SCN10A: variants seen among roughly 807,000 people sequenced by gnomAD.
The protein encoded by SCN10A is sodium channel protein type 10 subunit alpha.
In SCN10A, 162 loss-of-function variants were observed where a neutral mutation model predicts 170.7. That is an observed-to-expected ratio of 0.95 (90% CI 0.84 to 1.08). SCN10A has a LOEUF of 1.08. Ranked by LOEUF, SCN10A falls within the 50% of genes least tolerant of loss-of-function variation. SCN10A has a pLI of 0.00. For missense variants in SCN10A, 2,527 were observed against 2,436.9 expected (o/e 1.04, Z -0.78); for synonymous variants, 985 against 904.6 (o/e 1.09, Z -1.59).
intron 1 of SCN10A, among the ~76,000 whole-genome samples, chr3:38,803,966 T>C (rs1229870233): frequency 1.3e-5 from 2 of 152,082 alleles, no homozygotes; most frequent in African/African-American, 4.8e-5. Context: ...GCTGCCACAG[T>C]CCAATCCACC....
At chr3:38,810,318 A>G (rs1301256209) in intron 1 of SCN10A, among the ~76,000 whole-genome samples, 1 of 152,220 alleles carries the variant, frequency 6.6e-6, no homozygotes, top group Non-Finnish European at 1.5e-5. Context: ...GCCAACCAGT[A>G]TAACGCAGCC....
At chr3:38,768,137 G>A (rs990489229) in intron 5 of SCN10A, among the ~76,000 whole-genome samples, 1 of 151,524 alleles carries the variant, frequency 6.6e-6, no homozygotes, top group African/African-American at 2.4e-5. Context: ...CTCCTTATGT[G>A]TTAGGTGAGT....
intron 1 of SCN10A, among the ~76,000 whole-genome samples, chr3:38,804,732 T>A (rs1342028220): frequency 1.3e-5 from 2 of 152,034 alleles, no homozygotes; most frequent in Non-Finnish European, 2.9e-5. Flanking sequence ...AAGACAAGTG[T>A]CTTATGTTCA....
At chr3:38,772,602 T>C (rs1055130942) in intron 4 of SCN10A, among the ~76,000 whole-genome samples, 1 of 151,996 alleles carries the variant, frequency 6.6e-6, no homozygotes, top group Non-Finnish European at 1.5e-5. Context: ...GGCGGGAGAA[T>C]GGCGTGAACC....
intron 1 of SCN10A, among the ~76,000 whole-genome samples, chr3:38,813,397 C>G (rs1055072616): frequency 2.6e-5 from 4 of 152,164 alleles, no homozygotes; most frequent in Non-Finnish European, 5.9e-5. Flanking sequence ...AACTGAAACT[C>G]CGCGTCTCAG....
intron 14 of SCN10A, 105 bp from the exon 15 acceptor site, chr3:38,739,793 T>G: frequency 1.0e-6 from 1 of 987,286 alleles, no homozygotes; most frequent in African/African-American, 1.6e-5. Context: ...GAAAATCCTT[T>G]TGTTTTGTTC....
chr3:38,721,349 C>T (rs761916613), intron 20 of SCN10A, among the ~76,000 whole-genome samples: 4 of 151,964 alleles, frequency 2.6e-5, no homozygotes, highest in African/African-American at 9.7e-5. Flanking sequence ...TCTCTATTCC[C>T]AGCCCTTCAA....
At chr3:38,782,260 C>T (rs1348887058) in intron 4 of SCN10A, among the ~76,000 whole-genome samples, 2 of 152,034 alleles carry the variant, frequency 1.3e-5, no homozygotes, top group Non-Finnish European at 2.9e-5. Flanking sequence ...CCATTTCTTG[C>T]TATTTGTATC....
Position 38,735,878 on chromosome 3 carries a change from A to G in SCN10A, c.2280+3637T>C, listed in dbSNP as rs1246944608. Among the ~76,000 whole-genome samples the G allele has an allele frequency of 3.9e-5, 6 of 152,034 alleles. No individual in the cohort carries two copies. In the East Asian group the frequency reaches 5.8e-4, roughly 15 times the overall value. On this transcript the variant is annotated intron_variant, in intron 15 of 27. Transcript: ENST00000449082. Reference sequence around the variant, plus strand: ...ATCAACAGGTGTTTATTGAGTTCCTATGTATGTGCTGGGCCTTGTGCTAGG... The same window carrying G: ...ATCAACAGGTGTTTATTGAGTTCCTGTGTATGTGCTGGGCCTTGTGCTAGG...
At chr3:38,763,950 C>G (rs762795708) in intron 5 of SCN10A, among the ~76,000 whole-genome samples, 6 of 152,160 alleles carry the variant, frequency 3.9e-5, no homozygotes, top group African/African-American at 1.4e-4. Flanking sequence ...CTGTGACAGG[C>G]TAACTGTTAT....
intron 15 of SCN10A, among the ~76,000 whole-genome samples, chr3:38,731,789 T>C (rs137991764): frequency 6.6e-6 from 1 of 152,324 alleles, no homozygotes; most frequent in African/African-American, 2.4e-5. Context: ...TGCAGGCCCA[T>C]GGACTCTCCA....
intron 17 of SCN10A, 140 bp downstream of exon 17, chr3:38,726,466 G>T: frequency 1.6e-6 from 1 of 637,796 alleles, no homozygotes; most frequent in Non-Finnish European, 2.5e-6. Flanking sequence ...CTGCTCAAAC[G>T]CCAACTCCTC....
In SCN10A at chr3:38,724,583, A is replaced by G. The variant is rs939604765; in HGVS notation, c.3228+591T>C. Among the ~76,000 whole-genome samples the G allele has an allele frequency of 2.6e-5, 4 of 152,300 alleles. No homozygotes were observed. The South Asian group carries it at 6.2e-4, about 24-fold the overall frequency. ...CTATAGAGAGCCTCTCCCTAGCCCC[A>G]GGCTACTTTTGCCTAGAGAAAATGA... is the stretch of plus-strand genomic sequence containing the variant. On this transcript the variant is annotated intron_variant, in intron 18 of 27. Coordinates refer to ENST00000449082, the MANE Select transcript of SCN10A (RefSeq NM_006514.4).
intron 26 of SCN10A, among the ~76,000 whole-genome samples, chr3:38,704,323 T>G (rs1034253101): frequency 6.6e-6 from 1 of 152,166 alleles, no homozygotes; most frequent in Non-Finnish European, 1.5e-5. Context: ...GAGCCACTAA[T>G]CCCTTCCATT....
At chr3:38,759,418 T>TC (rs757641675) in intron 8 of SCN10A, among the ~76,000 whole-genome samples, 1 of 152,032 alleles carries the variant, frequency 6.6e-6, no homozygotes, top group Non-Finnish European at 1.5e-5. Flanking sequence ...CCTGGAGACA[T>TC]CCTACCTGCC....
At chr3:38,806,114 C>A (rs769396791) in intron 1 of SCN10A, among the ~76,000 whole-genome samples, 2 of 152,082 alleles carry the variant, frequency 1.3e-5, no homozygotes, top group Admixed American at 6.6e-5. Context: ...GAGTGTCAGG[C>A]TGAAATGCTG....
Position 38,799,385 on chromosome 3 carries a change from T to C in SCN10A, c.-32-5343A>G, listed in dbSNP as rs572689645. On this transcript the variant is annotated intron_variant, in intron 1 of 27. Transcript: ENST00000449082. ...TAACCTTGCATTTTCCCCAATGTGT[T>C]CTGCAGAATTTGTAAACAAGTGTCC... 2.6e-5 allele frequency among the ~76,000 whole-genome samples: 4 copies of C among 152,314 alleles called. No homozygotes were observed. In the East Asian group the frequency reaches 7.7e-4, roughly 29 times the overall value.
At chr3:38,699,173 A>T in intron 27 of SCN10A, among the ~76,000 whole-genome samples, 1 of 148,486 alleles carries the variant, frequency 6.7e-6, no homozygotes, top group Non-Finnish European at 1.5e-5. Flanking sequence ...TTGAATGACC[A>T]GCTGTCTGCA....
rs199892190 is a variant in SCN10A, at chr3:38,713,966, C to T, written c.3796G>A (p.Gly1266Ser). 2.2e-5 allele frequency: 36 copies of T among 1,613,548 alleles called. No individual in the cohort carries two copies. In the Admixed American group the frequency reaches 6.0e-4, roughly 27 times the overall value. Residue 1266 changes from glycine (G) to serine (S), a missense_variant, in exon 22 of 28, where the codon GGC (glycine) becomes AGC (serine). Transcript: ENST00000449082. ...RPLRALSRFEGMRVVVDALVG... is the reference protein window; with the variant it reads ...RPLRALSRFESMRVVVDALVG... ...TTTGAGATCAGACTTACCCGCATGC[C>T]TTCAAATCGAGAAAGAGCCCGCAGT...
Sources: gnomAD v4.1 joint callset for allele counts (sites outside exome capture counted in the v4.1 genomes callset) on GRCh38, gnomAD v4.1.1 for gene constraint, MANE v1.5 for transcripts, NCBI Gene and HGNC (gene_info 2026-07-23, HGNC 2026-07-21) for gene names.